The following NSD1 variants were observed in gnomAD, a reference collection of about 807,000 sequenced individuals.
NSD1 encodes nuclear receptor binding SET domain protein 1.
A neutral mutation model predicts 242.7 loss-of-function variants in NSD1; 26 were observed. The ratio of observed to expected loss-of-function variants is 0.11; its 90% CI spans 0.08 to 0.15. The LOEUF (loss-of-function observed/expected upper bound fraction) is 0.15, where lower values mean the gene tolerates loss of function less well. Ranked by LOEUF, NSD1 falls within the 10% of genes least tolerant of loss-of-function variation. The pLI is 1.00. For synonymous variants in NSD1, 1,106 were observed against 1,178.1 expected, an observed-to-expected ratio of 0.94 and a Z score of 1.25; for missense variants, 2,495 against 3,272.8, an observed-to-expected ratio of 0.76 and a Z score of 5.80.
chr5:177,284,284 C>A, intron 20 of NSD1, among the ~76,000 whole-genome samples: 1 of 152,126 alleles, frequency 6.6e-6, no homozygotes. Flanking sequence ...TTCATTGATT[C>A]ATTTTTAATG....
At chr5:177,141,804 G>A (rs1236524002) in intron 2 of NSD1, among the ~76,000 whole-genome samples, 5 of 152,008 alleles carry the variant, frequency 3.3e-5, no homozygotes, top group African/African-American at 1.2e-4. Flanking sequence ...TCTACCTTGT[G>A]TTATATTCAC....
At position 177,294,634 on chromosome 5, in the gene NSD1, G is replaced by GA; in HGVS notation, c.7269dup (p.Val2424SerfsTer12). ...TGTCCCAGAGACTCCCACCTCCTGA[G>GA]AAAGTACTATCAGCTGTGGTCCAGA... On this transcript the variant is annotated frameshift_variant, in exon 23 of 23. Coordinates refer to ENST00000439151, the MANE Select transcript of NSD1 (RefSeq NM_022455.5). LOFTEE classifies it high-confidence loss of function. 6.2e-7 allele frequency: 1 copy of GA among 1,614,214 alleles called. No homozygotes were observed. Among genetic ancestry groups the GA allele is most frequent in the Non-Finnish European group, 8.5e-7 (1 of 1,180,042 alleles).
At chr5:177,265,475 C>T (rs1229262487) in intron 14 of NSD1, 2 of 631,480 alleles carry the variant, frequency 3.2e-6, no homozygotes, top group Non-Finnish European at 5.6e-6. Flanking sequence ...AAAACCTCCT[C>T]TGGGGGAGGG....
chr5:177,198,474 C>T (rs1403579413), intron 3 of NSD1, among the ~76,000 whole-genome samples: 2 of 152,120 alleles, frequency 1.3e-5, no homozygotes, highest in Non-Finnish European at 2.9e-5. Context: ...CTCACTGTGG[C>T]ATCTTCTTTT....
At chr5:177,144,801 G>T (rs932142006) in intron 2 of NSD1, among the ~76,000 whole-genome samples, 3 of 152,058 alleles carry the variant, frequency 2.0e-5, no homozygotes, top group Non-Finnish European at 4.4e-5. Flanking sequence ...GTAATACTTG[G>T]CCGGGCGCGG....
At chr5:177,244,146 T>C (rs1766099063) in intron 8 of NSD1, 49 bp from the exon 9 acceptor site, 1 of 1,347,478 alleles carries the variant, frequency 7.4e-7, no homozygotes, top group Admixed American at 1.7e-5. Context: ...AAGTAAAGGG[T>C]TTATTTTTTC....
intron 15 of NSD1, 150 bp downstream of exon 15, chr5:177,267,868 G>A (rs1757625907): frequency 2.6e-6 from 2 of 754,986 alleles, no homozygotes; most frequent in African/African-American, 1.8e-5. Context: ...TATAGGAAGA[G>A]AAACCTAACT....
At chr5:177,185,805 A>T (rs1337924974) in intron 2 of NSD1, among the ~76,000 whole-genome samples, 1 of 88,074 alleles carries the variant, frequency 1.1e-5, no homozygotes, top group African/African-American at 5.2e-5. Context: ...ATATATATAT[A>T]TAAATTTATA....
chr5:177,155,802 C>T (rs904148713), intron 2 of NSD1, among the ~76,000 whole-genome samples: 1 of 151,668 alleles, frequency 6.6e-6, no homozygotes, highest in Non-Finnish European at 1.5e-5. Context: ...TCTTCTGCCT[C>T]AGCTTCCCCA....
At chr5:177,242,589 A>T (rs939936667) in intron 8 of NSD1, among the ~76,000 whole-genome samples, 11 of 151,694 alleles carry the variant, frequency 7.3e-5, no homozygotes, top group African/African-American at 2.7e-4. Context: ...ATGCAATGGC[A>T]CAATCTCGGC....
chr5:177,220,448 A>C (rs1445752888), intron 5 of NSD1, among the ~76,000 whole-genome samples: 3 of 152,264 alleles, frequency 2.0e-5, no homozygotes, highest in African/African-American at 7.2e-5. Context: ...AGGCTCACTT[A>C]AATCTTAGGT....
At chr5:177,289,289 C>G (rs1371268114) in intron 21 of NSD1, among the ~76,000 whole-genome samples, 4 of 151,822 alleles carry the variant, frequency 2.6e-5, no homozygotes, top group East Asian at 3.9e-4. Context: ...CCACTGCACT[C>G]TAGCCTGGGC....
chr5:177,219,209 G>A (rs1230341457), intron 5 of NSD1, among the ~76,000 whole-genome samples: 1 of 150,810 alleles, frequency 6.6e-6, no homozygotes, highest in African/African-American at 2.4e-5. Flanking sequence ...TTTTTTGAGA[G>A]GGAGTCTCGC....
intron 2 of NSD1, among the ~76,000 whole-genome samples, chr5:177,179,421 G>T (rs1760475491): frequency 6.6e-6 from 1 of 152,170 alleles, no homozygotes; most frequent in Non-Finnish European, 1.5e-5. Context: ...CTCCATGTTG[G>T]TCAGACTGGT....
At chr5:177,136,527 C>T (rs1756346161) in intron 2 of NSD1, among the ~76,000 whole-genome samples, 1 of 151,740 alleles carries the variant, frequency 6.6e-6, no homozygotes, top group African/African-American at 2.4e-5. Flanking sequence ...TTGTCAAAAT[C>T]TAAATTAGGC....
chr5:177,242,100 T>C (rs889375227), intron 8 of NSD1, among the ~76,000 whole-genome samples: 2 of 152,214 alleles, frequency 1.3e-5, no homozygotes, highest in Non-Finnish European at 2.9e-5. Context: ...TGTGTGTGTG[T>C]GCTGTTAATT....
intron 20 of NSD1, 128 bp from the exon 21 acceptor site, chr5:177,288,691 T>C: frequency 1.4e-6 from 1 of 709,720 alleles, no homozygotes; most frequent in Non-Finnish European, 2.5e-6. Context: ...TTAATTAAAA[T>C]ATAGGATTAG....
chr5:177,145,839 C>T (rs930057093), intron 2 of NSD1, among the ~76,000 whole-genome samples: 2 of 144,618 alleles, frequency 1.4e-5, no homozygotes, highest in Admixed American at 7.3e-5. Flanking sequence ...ACCCGGGAGG[C>T]GGAGGTTGTA....
In NSD1 at chr5:177,150,164, C is replaced by T. The variant is rs181806610; in HGVS notation, c.927+14134C>T. On this transcript the variant is annotated intron_variant, in intron 2 of 22. Transcript: ENST00000439151. ...TATTTATTTTTTTGAGATGGAGTCT[C>T]GCTCTGTCACGCAAGCTGGAATGCA... Among the ~76,000 whole-genome samples the T allele has an allele frequency of 3.5e-4, 53 of 151,704 alleles. No individual in the cohort carries two copies. In the East Asian group the frequency reaches 8.5e-3, roughly 24 times the overall value.
Sources: gnomAD v4.1 joint callset for allele counts (sites outside exome capture counted in the v4.1 genomes callset) on GRCh38, gnomAD v4.1.1 for gene constraint, MANE v1.5 for transcripts, NCBI Gene and HGNC (gene_info 2026-07-23, HGNC 2026-07-21) for gene names.